The following NDST3 variants were observed in gnomAD, a reference collection of about 807,000 sequenced individuals.
The protein encoded by NDST3 is bifunctional heparan sulfate N-deacetylase/N-sulfotransferase 3.
NDST3 carries 58 observed loss-of-function variants against 96.1 expected under a neutral mutation model. That is an observed-to-expected ratio of 0.60 (90% CI 0.49 to 0.75). The LOEUF (loss-of-function observed/expected upper bound fraction) is 0.75, where lower values mean the gene tolerates loss of function less well. NDST3 is among the 30% of genes least tolerant of loss of function. The probability of loss-of-function intolerance (pLI) is 0.00; values close to 1 mark genes in which losing one functional copy is unlikely to be tolerated. For missense variants in NDST3, 788 were observed against 1,034.2 expected, an observed-to-expected ratio of 0.76 and a Z score of 3.27; for synonymous variants, 333 against 359.7, an observed-to-expected ratio of 0.93 and a Z score of 0.84.
In NDST3 at chr4:118,247,546, C is replaced by CT. The variant is rs1741399057; in HGVS notation, c.2399+5398dup. On this transcript the variant is annotated intron_variant, in intron 12 of 13. Transcript: ENST00000296499. ...CAGCCTGGGCGACAAGAGTGAAACT[C>CT]TGTCTAAAAAAAAAGAAAGAAAGAA... is the stretch of plus-strand genomic sequence containing the variant. Among the ~76,000 whole-genome samples, 4 of 151,214 alleles carry CT rather than the reference C, an allele frequency of 2.6e-5. No individual in the cohort carries two copies. The South Asian group carries it at 8.4e-4, about 32-fold the overall frequency.
intron 6 of NDST3, among the ~76,000 whole-genome samples, chr4:118,157,907 T>G (rs1734822114): frequency 6.6e-6 from 1 of 152,186 alleles, no homozygotes. Context: ...GTATTCTAAC[T>G]GCATACGTTT....
chr4:118,184,601 C>CTA (rs1736812665), intron 6 of NDST3, among the ~76,000 whole-genome samples: 1 of 75,176 alleles, frequency 1.3e-5, no homozygotes, highest in South Asian at 5.7e-4. Context: ...CTCTCTCTCT[C>CTA]TACACACACA....
At chr4:118,066,201 T>G (rs1726366152) in intron 2 of NDST3, among the ~76,000 whole-genome samples, 1 of 69,922 alleles carries the variant, frequency 1.4e-5, no homozygotes, top group Non-Finnish European at 2.5e-5. Context: ...ATATATTATA[T>G]TTTATATATT....
chr4:118,155,397 T>C (rs1488725303), intron 6 of NDST3, among the ~76,000 whole-genome samples: 1 of 152,204 alleles, frequency 6.6e-6, no homozygotes, highest in African/African-American at 2.4e-5. Flanking sequence ...ATCAGGTTAA[T>C]TGTCCTGTAT....
At chr4:118,132,267 C>G (rs1019138254) in intron 4 of NDST3, among the ~76,000 whole-genome samples, 13 of 152,192 alleles carry the variant, frequency 8.5e-5, no homozygotes, top group African/African-American at 3.1e-4. Flanking sequence ...TAAGCTAGTA[C>G]TAAAACCATA....
intron 3 of NDST3, among the ~76,000 whole-genome samples, chr4:118,113,254 A>G (rs1730790362): frequency 6.6e-6 from 1 of 152,236 alleles, no homozygotes; most frequent in Non-Finnish European, 1.5e-5. Context: ...TTCTGACTCC[A>G]AAGGCTACAC....
chr4:118,089,109 A>G (rs1716250000), intron 2 of NDST3, among the ~76,000 whole-genome samples: 1 of 151,994 alleles, frequency 6.6e-6, no homozygotes, highest in African/African-American at 2.4e-5. Context: ...TCATTGTTCT[A>G]TAGTAAACAC....
intron 6 of NDST3, among the ~76,000 whole-genome samples, chr4:118,147,699 C>T (rs1734050976): frequency 6.6e-6 from 1 of 152,072 alleles, no homozygotes. Flanking sequence ...TAGGAAGATG[C>T]AGTAATAGTT....
At chr4:118,255,337 T>C (rs193293572) in intron 13 of NDST3, among the ~76,000 whole-genome samples, 318 of 152,236 alleles carry the variant, frequency 2.1e-3, no homozygotes, top group Admixed American at 4.3e-3. Flanking sequence ...ACAGAGGTAA[T>C]GAAAATACAA....
chr4:118,183,335 T>C (rs1243586321), intron 6 of NDST3, among the ~76,000 whole-genome samples: 1 of 152,190 alleles, frequency 6.6e-6, no homozygotes, highest in Non-Finnish European at 1.5e-5. Flanking sequence ...ATGATTGAGC[T>C]CGGTTTCCAG....
chr4:118,124,243 T>C (rs796687516), intron 4 of NDST3, among the ~76,000 whole-genome samples: 7 of 152,272 alleles, frequency 4.6e-5, no homozygotes, highest in Admixed American at 2.0e-4. Context: ...TGTATCTTCT[T>C]TGAGGAATGT....
chr4:118,230,506 C>A (rs943428443), intron 8 of NDST3, among the ~76,000 whole-genome samples: 1 of 151,222 alleles, frequency 6.6e-6, no homozygotes, highest in African/African-American at 2.4e-5. Flanking sequence ...ACCCGGCGGG[C>A]GGAGCTTGCA....
intron 8 of NDST3, among the ~76,000 whole-genome samples, chr4:118,229,397 C>T (rs1040556704): frequency 3.3e-5 from 5 of 152,022 alleles, no homozygotes; most frequent in Admixed American, 1.3e-4. Flanking sequence ...AATATAAAAC[C>T]GAAGATTTAC....
At chr4:118,133,237 C>T (rs889891500) in intron 4 of NDST3, among the ~76,000 whole-genome samples, 26 of 152,218 alleles carry the variant, frequency 1.7e-4, no homozygotes, top group African/African-American at 5.5e-4. Flanking sequence ...GAAACTCAAG[C>T]TCTAACTGAT....
intron 3 of NDST3, among the ~76,000 whole-genome samples, chr4:118,111,573 G>A (rs1578658656): frequency 7.0e-6 from 1 of 141,992 alleles, no homozygotes; most frequent in Middle Eastern, 3.8e-3. Flanking sequence ...GTCTCGCTCT[G>A]TCACCCAGGC....
chr4:118,137,160 A>G lies in NDST3; in HGVS notation c.1225-894A>G, dbSNP rs1200535721. On this transcript the variant is annotated intron_variant, in intron 4 of 13. Coordinates refer to ENST00000296499, the MANE Select transcript of NDST3 (RefSeq NM_004784.3). Reference sequence around the variant, plus strand: ...TGAAACTGTTATTTGGCATGAAGACAGTCATTAATTTAAAAGAACCTATTT... The same window carrying G: ...TGAAACTGTTATTTGGCATGAAGACGGTCATTAATTTAAAAGAACCTATTT... 2.0e-5 allele frequency among the ~76,000 whole-genome samples: 3 copies of G among 152,236 alleles called. No homozygotes were observed. In the East Asian group the frequency reaches 5.8e-4, roughly 29 times the overall value.
chr4:118,239,853 T>A (rs1235307586), intron 10 of NDST3, among the ~76,000 whole-genome samples: 1 of 152,022 alleles, frequency 6.6e-6, no homozygotes, highest in African/African-American at 2.4e-5. Context: ...AAAGAAAAGG[T>A]GATTTCCTCA....
chr4:118,059,000 G>C (rs2110461852), intron 2 of NDST3, among the ~76,000 whole-genome samples: 1 of 152,122 alleles, frequency 6.6e-6, no homozygotes, highest in African/African-American at 2.4e-5. Context: ...TGGTCTTTCA[G>C]GGTTTTACTG....
chr4:118,153,077 A>C (rs1302079095), intron 6 of NDST3, among the ~76,000 whole-genome samples: 2 of 152,226 alleles, frequency 1.3e-5, no homozygotes, highest in Non-Finnish European at 2.9e-5. Context: ...GATGGCAGCT[A>C]TCTATCTTGA....
Sources: allele counts gnomAD v4.1 joint callset (sites outside exome capture counted in the v4.1 genomes callset), GRCh38; gene constraint gnomAD v4.1.1; transcripts MANE v1.5; gene names NCBI Gene and HGNC (gene_info 2026-07-23, HGNC 2026-07-21).